SMYD3: variants seen among roughly 807,000 people sequenced by gnomAD.
SMYD3 encodes the protein SET and MYND domain containing 3.
A neutral mutation model predicts 57.7 loss-of-function variants in SMYD3; 36 were observed. The observed-to-expected ratio is 0.62, with a 90% CI of 0.48 to 0.82. SMYD3 has a LOEUF of 0.82. Ranked by LOEUF, SMYD3 falls within the 40% of genes least tolerant of loss-of-function variation. The probability of loss-of-function intolerance (pLI) is 0.00; values close to 1 mark genes in which losing one functional copy is unlikely to be tolerated. For synonymous variants in SMYD3, 211 were observed against 195.0 expected, an observed-to-expected ratio of 1.08 and a Z score of -0.68; for missense variants, 515 against 538.8, an observed-to-expected ratio of 0.96 and a Z score of 0.44.
At chr1:246,282,259 G>A (rs2064459745) in intron 5 of SMYD3, among the ~76,000 whole-genome samples, 1 of 134,138 alleles carries the variant, frequency 7.5e-6, no homozygotes. Context: ...CTTGAGCCCA[G>A]GAGTTTGAGA....
intron 1 of SMYD3, among the ~76,000 whole-genome samples, chr1:246,457,631 C>G (rs2067724306): frequency 6.6e-6 from 1 of 152,036 alleles, no homozygotes; most frequent in African/African-American, 2.4e-5. Context: ...CAGCCTTTCT[C>G]AACTTGGCTG....
intron 5 of SMYD3, among the ~76,000 whole-genome samples, chr1:246,201,179 C>T (rs1204584383): frequency 6.6e-6 from 1 of 152,204 alleles, no homozygotes; most frequent in Non-Finnish European, 1.5e-5. Context: ...CTCATCCCTA[C>T]AAGCTCAAGA....
At chr1:246,054,419 A>G (rs2060114584) in intron 5 of SMYD3, among the ~76,000 whole-genome samples, 1 of 152,248 alleles carries the variant, frequency 6.6e-6, no homozygotes, top group Non-Finnish European at 1.5e-5. Flanking sequence ...GTGACCACAG[A>G]TATTTTCCTA....
chr1:246,062,249 C>T (rs181588052), intron 5 of SMYD3, among the ~76,000 whole-genome samples: 7 of 152,202 alleles, frequency 4.6e-5, no homozygotes, highest in South Asian at 2.1e-4. Context: ...AATATTTCCC[C>T]GAGATCATAA....
intron 10 of SMYD3, among the ~76,000 whole-genome samples, chr1:245,822,197 C>G (rs996647656): frequency 1.6e-4 from 24 of 152,038 alleles, no homozygotes; most frequent in Non-Finnish European, 1.8e-4. Flanking sequence ...CACATATACA[C>G]CATGGAATAC....
At chr1:245,882,988 A>G (rs1439583102) in intron 8 of SMYD3, among the ~76,000 whole-genome samples, 1 of 152,236 alleles carries the variant, frequency 6.6e-6, no homozygotes, top group Non-Finnish European at 1.5e-5. Context: ...CTAATAGCTA[A>G]TGTAGCAGCA....
At chr1:246,307,451 G>T (rs1572361440) in intron 5 of SMYD3, among the ~76,000 whole-genome samples, 1 of 122,780 alleles carries the variant, frequency 8.1e-6, no homozygotes, top group Non-Finnish European at 1.6e-5. Context: ...ACGGAGTCTC[G>T]CTCTGTCGCC....
chr1:246,105,614 T>C (rs569508912), intron 5 of SMYD3, among the ~76,000 whole-genome samples: 6 of 152,254 alleles, frequency 3.9e-5, no homozygotes, highest in Admixed American at 3.9e-4. Context: ...TGTATGGCTG[T>C]AGAAAGAATA....
chr1:246,301,986 T>A (rs1277161688), intron 5 of SMYD3, among the ~76,000 whole-genome samples: 1 of 152,110 alleles, frequency 6.6e-6, no homozygotes, highest in Non-Finnish European at 1.5e-5. Context: ...TCTCTGTGAT[T>A]CCTTGGAACA....
At chr1:246,062,001 T>C (rs2060262016) in intron 5 of SMYD3, among the ~76,000 whole-genome samples, 3 of 152,212 alleles carry the variant, frequency 2.0e-5, no homozygotes, top group African/African-American at 7.2e-5. Context: ...ATTTTTCATC[T>C]AACTTAATAA....
chr1:245,793,907 A>T (rs947045260), intron 10 of SMYD3, among the ~76,000 whole-genome samples: 1 of 152,232 alleles, frequency 6.6e-6, no homozygotes, highest in Admixed American at 6.5e-5. Context: ...CCTCTGATTA[A>T]TGTGGTCTTG....
At chr1:246,023,901 T>A (rs2059524405) in intron 5 of SMYD3, among the ~76,000 whole-genome samples, 1 of 151,706 alleles carries the variant, frequency 6.6e-6, no homozygotes, top group South Asian at 2.1e-4. Context: ...AGCTACTATT[T>A]CAGAGAGACT....
chr1:246,242,294 T>G (rs570316913), intron 5 of SMYD3, among the ~76,000 whole-genome samples: 12 of 152,334 alleles, frequency 7.9e-5, no homozygotes, highest in African/African-American at 2.9e-4. Context: ...TGTTGTGTCT[T>G]CGTTCTCATC....
At chr1:245,972,022 C>G (rs1439479463) in intron 5 of SMYD3, among the ~76,000 whole-genome samples, 1 of 152,160 alleles carries the variant, frequency 6.6e-6, no homozygotes, top group Non-Finnish European at 1.5e-5. Flanking sequence ...TGCCATGTCT[C>G]GGGCACCACT....
At position 246,235,363 on chromosome 1, in the gene SMYD3, C is replaced by T. The variant is rs554761969; in HGVS notation, c.531+91838G>A. 6.6e-5 allele frequency among the ~76,000 whole-genome samples: 10 copies of T among 152,302 alleles called. No homozygotes were observed. In the East Asian group the frequency reaches 7.7e-4, roughly 12 times the overall value. On this transcript the variant is annotated intron_variant, in intron 5 of 11. Coordinates refer to ENST00000490107, the MANE Select transcript of SMYD3 (RefSeq NM_001167740.2). Reference sequence around the variant, plus strand: ...ACATCAGCTTCTAGCCAGATAATTACGTCCTTCCTGAATATGTTGCAAAAG... The same window carrying T: ...ACATCAGCTTCTAGCCAGATAATTATGTCCTTCCTGAATATGTTGCAAAAG...
At chr1:245,838,489 C>G (rs1283463451) in intron 10 of SMYD3, among the ~76,000 whole-genome samples, 1 of 152,238 alleles carries the variant, frequency 6.6e-6, no homozygotes, top group Non-Finnish European at 1.5e-5. Flanking sequence ...GCTCAACTCT[C>G]TGAGCCACAG....
intron 5 of SMYD3, among the ~76,000 whole-genome samples, chr1:245,939,343 A>T (rs1436965002): frequency 6.6e-6 from 1 of 152,160 alleles, no homozygotes; most frequent in Non-Finnish European, 1.5e-5. Flanking sequence ...AAAGATAGAC[A>T]GGCCAGGCAC....
intron 5 of SMYD3, chr1:246,111,586 T>C (rs2061243297): frequency 6.6e-6 from 1 of 152,244 alleles, no homozygotes; most frequent in Non-Finnish European, 1.5e-5. Context: ...GTTTCATTCA[T>C]GTGGTCATGT....
At chr1:245,832,977 C>T (rs1345293435) in intron 10 of SMYD3, among the ~76,000 whole-genome samples, 1 of 151,172 alleles carries the variant, frequency 6.6e-6, no homozygotes, top group African/African-American at 2.4e-5. Flanking sequence ...AAACCACCTT[C>T]TCCGCACAGT....
Sources: gnomAD v4.1 joint callset for allele counts (sites outside exome capture counted in the v4.1 genomes callset) on GRCh38, gnomAD v4.1.1 for gene constraint, MANE v1.5 for transcripts, NCBI Gene and HGNC (gene_info 2026-07-23, HGNC 2026-07-21) for gene names.